Variants in LMO7 observed in about 807,000 individuals in gnomAD.
LMO7 encodes the protein LIM domain only protein 7.
In LMO7, 120 loss-of-function variants were observed where a neutral mutation model predicts 206.5. The observed-to-expected ratio is 0.58, with a 90% CI of 0.50 to 0.68. The LOEUF (loss-of-function observed/expected upper bound fraction) is 0.68, where lower values mean the gene tolerates loss of function less well. Among genes scored for constraint, LMO7 ranks in the 30% least tolerant of loss-of-function variants. The pLI, the probability that LMO7 is intolerant of heterozygous loss-of-function variation, is 0.00. For missense variants in LMO7, 1,959 were observed against 1,957.9 expected (o/e 1.00, Z -0.01); for synonymous variants, 706 against 681.5 (o/e 1.04, Z -0.56).
rs1016672268 is a variant in LMO7, at chr13:75,621,886, A to C, written c.175+18A>C. On this transcript the variant is annotated intron_variant, in intron 1 of 29. Coordinates refer to the LMO7 transcript ENST00000341547. ...CAAAAAAGGTAATAATAGTTCCTTG[A>C]ATACTTTTATATTATTACTTTGAAA... 2.6e-6 allele frequency: 4 copies of C among 1,551,414 alleles called. No individual in the cohort carries two copies. The Admixed American group carries it at 5.6e-5, about 22-fold the overall frequency.
chr13:75,690,446 G>T (rs551726671), intron 1 of LMO7, among the ~76,000 whole-genome samples: 1 of 152,254 alleles, frequency 6.6e-6, no homozygotes, highest in African/African-American at 2.4e-5. Context: ...AGGGCATGCT[G>T]TGATAAATAT....
intron 1 of LMO7, among the ~76,000 whole-genome samples, chr13:75,694,401 C>A (rs897069129): frequency 2.0e-5 from 3 of 152,190 alleles, no homozygotes; most frequent in African/African-American, 7.2e-5. Flanking sequence ...GAAGGCCTCA[C>A]TCTGCAGGCA....
chr13:75,724,378 G>C (rs9573634), intron 2 of LMO7, among the ~76,000 whole-genome samples: 9,269 of 152,120 alleles, frequency 0.061, 740 homozygotes, highest in African/African-American at 0.18. Context: ...TAGAGGGATG[G>C]AACAAGGGAA....
chr13:75,693,057 G>C (rs1002317545), intron 1 of LMO7, among the ~76,000 whole-genome samples: 25 of 152,164 alleles, frequency 1.6e-4, no homozygotes, highest in African/African-American at 5.6e-4. Flanking sequence ...CTCAGTGTCA[G>C]GAAGTGGCAT....
chr13:75,780,722 A>G (rs2051202597), intron 4 of LMO7, among the ~76,000 whole-genome samples: 2 of 152,248 alleles, frequency 1.3e-5, no homozygotes, highest in African/African-American at 2.4e-5. Flanking sequence ...AATCTTCACA[A>G]TTTATGTTCA....
At chr13:75,806,035 T>G in intron 9 of LMO7, 1 of 1,191,128 alleles carries the variant, frequency 8.4e-7, no homozygotes, top group Non-Finnish European at 1.0e-6. Flanking sequence ...CCTCTTCCCT[T>G]CTTTTCTTCA....
At chr13:75,647,358 C>G (rs2037124262) in intron 1 of LMO7, among the ~76,000 whole-genome samples, 1 of 152,184 alleles carries the variant, frequency 6.6e-6, no homozygotes, top group African/African-American at 2.4e-5. Flanking sequence ...GGGTTTTCCC[C>G]TGCTTTTTCA....
At chr13:75,642,442 C>CA (rs5804829) in intron 1 of LMO7, among the ~76,000 whole-genome samples, 23,280 of 71,978 alleles carry the variant, frequency 0.32, 3,204 homozygotes, top group East Asian at 0.43. Flanking sequence ...CCATCTCTAC[C>CA]AAAAAAAAAA....
At chr13:75,721,524 G>A (rs1211672333) in intron 2 of LMO7, among the ~76,000 whole-genome samples, 2 of 152,078 alleles carry the variant, frequency 1.3e-5, no homozygotes, top group Admixed American at 1.3e-4. Flanking sequence ...GGAAAAGTAA[G>A]CAAATTTTGT....
chr13:75,803,606 C>T (rs1851201957), intron 7 of LMO7, among the ~76,000 whole-genome samples: 1 of 152,158 alleles, frequency 6.6e-6, no homozygotes. Flanking sequence ...AAAGGGTGTT[C>T]TTTTGAATTT....
intron 2 of LMO7, among the ~76,000 whole-genome samples, chr13:75,715,959 A>C (rs1346655130): frequency 6.6e-6 from 1 of 152,236 alleles, no homozygotes; most frequent in East Asian, 1.9e-4. Context: ...TAGAGATCCC[A>C]AGTTTTAGGT....
intron 18 of LMO7, 135 bp downstream of exon 18, chr13:75,835,474 A>T: frequency 3.5e-6 from 2 of 567,348 alleles, no homozygotes; most frequent in Non-Finnish European, 5.9e-6. Context: ...AATAATGTAA[A>T]TTATAGTAAA....
chr13:75,760,786 C>G, intron 3 of LMO7, 146 bp from the exon 4 acceptor site: 1 of 1,540,624 alleles, frequency 6.5e-7, no homozygotes, highest in Non-Finnish European at 8.7e-7. Context: ...TATTTTTTTT[C>G]AAATATACAT....
chr13:75,668,219 A>G (rs2039245692), intron 1 of LMO7, among the ~76,000 whole-genome samples: 1 of 152,014 alleles, frequency 6.6e-6, no homozygotes, highest in Admixed American at 6.6e-5. Flanking sequence ...AAAAAGAACC[A>G]AAAAACAAAA....
chr13:75,834,197 C>T, intron 16 of LMO7, 29 bp from the exon 17 acceptor site: 1 of 1,533,342 alleles, frequency 6.5e-7, no homozygotes, highest in Non-Finnish European at 8.8e-7. Context: ...TTTTTTTCCC[C>T]AATTGGTTAA....
chr13:75,825,273 T>A (rs1274509439), intron 15 of LMO7, among the ~76,000 whole-genome samples: 1 of 152,188 alleles, frequency 6.6e-6, no homozygotes. Context: ...AGATGAATAA[T>A]AAAAGCAGAA....
intron 1 of LMO7, among the ~76,000 whole-genome samples, chr13:75,657,327 G>A (rs905191750): frequency 1.3e-5 from 2 of 152,174 alleles, no homozygotes; most frequent in African/African-American, 4.8e-5. Context: ...AGCAGCCCTA[G>A]GACATACCAG....
chr13:75,706,613 A>T (rs1455178288), intron 1 of LMO7, among the ~76,000 whole-genome samples: 1 of 152,172 alleles, frequency 6.6e-6, no homozygotes, highest in Non-Finnish European at 1.5e-5. Flanking sequence ...GCACACACAC[A>T]GTCATTATGT....
chr13:75,823,874 G>T lies in LMO7; in HGVS notation c.2949+1G>T. The T allele has an allele frequency of 6.2e-7, 1 of 1,612,490 alleles. No individual in the cohort carries two copies. On this transcript the variant is annotated splice_donor_variant, in intron 15 of 30. Coordinates refer to ENST00000377534, the MANE Select transcript of LMO7 (RefSeq NM_001306080.2). LOFTEE classifies it high-confidence loss of function. Reference sequence around the variant, plus strand: ...ACAAAGAGAAGTCTCAAGATCCCAGGTGAGTTTGGAAAAGTTCTTTATCAT... The same window carrying T: ...ACAAAGAGAAGTCTCAAGATCCCAGTTGAGTTTGGAAAAGTTCTTTATCAT...
Sources: gnomAD v4.1 joint callset for allele counts (sites outside exome capture counted in the v4.1 genomes callset) on GRCh38, gnomAD v4.1.1 for gene constraint, MANE v1.5 for transcripts, NCBI Gene and HGNC (gene_info 2026-07-23, HGNC 2026-07-21) for gene names.